TACR1: variants seen among roughly 807,000 people sequenced by gnomAD.
TACR1 encodes substance-P receptor.
In TACR1, 25 loss-of-function variants were observed where a neutral mutation model predicts 35.8. That is an observed-to-expected ratio of 0.70 (90% CI 0.51 to 0.98). The LOEUF (loss-of-function observed/expected upper bound fraction) is 0.98. Ranked by LOEUF, TACR1 falls within the 50% of genes least tolerant of loss-of-function variation. The pLI, the probability that TACR1 is intolerant of heterozygous loss-of-function variation, is 0.00. For synonymous variants in TACR1, 195 were observed against 206.7 expected (o/e 0.94, Z 0.48); for missense variants, 478 against 522.9 (o/e 0.91, Z 0.84).
At chr2:75,161,843 A>G (rs1675017068) in intron 1 of TACR1, among the ~76,000 whole-genome samples, 1 of 152,136 alleles carries the variant, frequency 6.6e-6, no homozygotes, top group African/African-American at 2.4e-5. Flanking sequence ...AAACTAAAAG[A>G]TGGAAAACTT....
At chr2:75,182,867 A>C (rs1675591376) in intron 1 of TACR1, among the ~76,000 whole-genome samples, 1 of 152,202 alleles carries the variant, frequency 6.6e-6, no homozygotes, top group Admixed American at 6.5e-5. Flanking sequence ...TTGTTAAGCG[A>C]TGTATTTCTG....
At chr2:75,122,168 G>A (rs974202080) in intron 1 of TACR1, among the ~76,000 whole-genome samples, 28 of 152,132 alleles carry the variant, frequency 1.8e-4, no homozygotes, top group Non-Finnish European at 2.9e-4. Context: ...GTGGTAATTG[G>A]ATCAATACCT....
intron 2 of TACR1, among the ~76,000 whole-genome samples, chr2:75,065,470 G>A (rs1672744132): frequency 6.6e-6 from 1 of 152,152 alleles, no homozygotes; most frequent in African/African-American, 2.4e-5. Context: ...CCCTCTAGAT[G>A]GGTCTTAATT....
At chr2:75,084,633 A>C (rs560466484) in intron 2 of TACR1, among the ~76,000 whole-genome samples, 1 of 152,244 alleles carries the variant, frequency 6.6e-6, no homozygotes, top group South Asian at 2.1e-4. Context: ...CAGAGATTCA[A>C]CTTCTTCCTG....
chr2:75,066,214 AAG>A (rs1573462992), intron 2 of TACR1, among the ~76,000 whole-genome samples: 1 of 152,278 alleles, frequency 6.6e-6, no homozygotes, highest in African/African-American at 2.4e-5. Flanking sequence ...CTTTGGGTAA[AAG>A]AGAGATATTG....
At chr2:75,117,927 G>A (rs1366065298) in intron 2 of TACR1, among the ~76,000 whole-genome samples, 4 of 152,138 alleles carry the variant, frequency 2.6e-5, no homozygotes, top group Non-Finnish European at 1.5e-5. Context: ...TTGAAAAATC[G>A]CAAGTTGAAT....
intron 2 of TACR1, among the ~76,000 whole-genome samples, chr2:75,067,421 T>C (rs12052384): frequency 0.25 from 38,447 of 152,032 alleles, 6,332 homozygotes; most frequent in African/African-American, 0.44. Context: ...TGGGTTCAGC[T>C]ACCCAATTTT....
intron 1 of TACR1, among the ~76,000 whole-genome samples, chr2:75,146,678 T>C (rs945014973): frequency 1.3e-5 from 2 of 152,246 alleles, no homozygotes; most frequent in African/African-American, 4.8e-5. Context: ...TGGAATCTAC[T>C]AGTTACTGAG....
At chr2:75,060,446 A>T (rs1426151702) in intron 2 of TACR1, among the ~76,000 whole-genome samples, 1 of 152,038 alleles carries the variant, frequency 6.6e-6, no homozygotes, top group East Asian at 1.9e-4. Flanking sequence ...TAGGCAGGTG[A>T]GTTGGGCACT....
intron 2 of TACR1, among the ~76,000 whole-genome samples, chr2:75,063,881 T>C (rs1334039230): frequency 6.6e-6 from 1 of 152,210 alleles, no homozygotes; most frequent in African/African-American, 2.4e-5. Context: ...AAATAAAATA[T>C]CTTCAGACCT....
chr2:75,094,046 C>T (rs540974220), intron 2 of TACR1, among the ~76,000 whole-genome samples: 9 of 152,208 alleles, frequency 5.9e-5, no homozygotes, highest in Admixed American at 1.3e-4. Context: ...CCTGACACCA[C>T]GTTTTCGTAG....
chr2:75,083,369 A>G (rs909678813), intron 2 of TACR1, among the ~76,000 whole-genome samples: 6 of 152,156 alleles, frequency 3.9e-5, no homozygotes, highest in Non-Finnish European at 8.8e-5. Context: ...TGATGCCTCC[A>G]GCTTTGTTCT....
intron 1 of TACR1, among the ~76,000 whole-genome samples, chr2:75,159,819 C>T (rs1180538658): frequency 6.6e-6 from 1 of 152,124 alleles, no homozygotes; most frequent in Non-Finnish European, 1.5e-5. Context: ...CTGAGTCTGA[C>T]AGAGTCGTAG....
At chr2:75,156,576 C>T (rs1345146959) in intron 1 of TACR1, among the ~76,000 whole-genome samples, 6 of 139,844 alleles carry the variant, frequency 4.3e-5, no homozygotes, top group African/African-American at 1.6e-4. Flanking sequence ...GCCCTCCAGC[C>T]TGGGTAACAG....
chr2:75,188,603 G>C (rs962804938), intron 1 of TACR1: 1 of 152,212 alleles, frequency 6.6e-6, no homozygotes, highest in African/African-American at 2.4e-5. Context: ...TGGCAATAAA[G>C]TGGAAGTGAA....
intron 1 of TACR1, among the ~76,000 whole-genome samples, chr2:75,132,868 T>C (rs1017839785): frequency 6.6e-6 from 1 of 152,258 alleles, no homozygotes; most frequent in Non-Finnish European, 1.5e-5. Context: ...GAGGATACTT[T>C]TTCTGCTACG....
At chr2:75,126,829 A>C (rs892417931) in intron 1 of TACR1, among the ~76,000 whole-genome samples, 4 of 152,210 alleles carry the variant, frequency 2.6e-5, no homozygotes, top group African/African-American at 9.6e-5. Flanking sequence ...AAAAGTGGGC[A>C]AAGGACATGA....
intron 1 of TACR1, among the ~76,000 whole-genome samples, chr2:75,163,435 A>G (rs192407337): frequency 2.3e-4 from 35 of 152,352 alleles, no homozygotes; most frequent in South Asian, 6.2e-4. Context: ...AGGCATTTAC[A>G]TAAGTCTTAA....
intron 2 of TACR1, among the ~76,000 whole-genome samples, chr2:75,091,235 G>C (rs573189215): frequency 2.1e-5 from 3 of 139,650 alleles, no homozygotes; most frequent in East Asian, 2.3e-4. Context: ...AATCTCCCCT[G>C]AATTTCCGCT....
Sources: gnomAD v4.1 joint callset for allele counts (sites outside exome capture counted in the v4.1 genomes callset) on GRCh38, gnomAD v4.1.1 for gene constraint, MANE v1.5 for transcripts, NCBI Gene and HGNC (gene_info 2026-07-23, HGNC 2026-07-21) for gene names.